Variants in REC114 observed in about 807,000 individuals in gnomAD.
REC114 encodes the protein REC114 meiotic recombination protein.
In REC114, 27 loss-of-function variants were observed where a neutral mutation model predicts 31.3. The observed-to-expected ratio is 0.86, with a 90% confidence interval of 0.64 to 1.19. REC114 has a LOEUF of 1.19. REC114 is among the 50% of genes most tolerant of loss of function. REC114 has a pLI of 0.00. For synonymous variants in REC114, 134 were observed against 127.7 expected (o/e 1.05, Z -0.33); for missense variants, 344 against 326.9 (o/e 1.05, Z -0.40).
intron 2 of REC114, among the ~76,000 whole-genome samples, chr15:73,521,533 A>G (rs576594943): frequency 1.3e-5 from 2 of 152,294 alleles, no homozygotes; most frequent in South Asian, 2.1e-4. Context: ...AACAAAAAAA[A>G]TCAAGAAAGC....
At chr15:73,457,341 C>CAT (rs909499389) in intron 1 of REC114, among the ~76,000 whole-genome samples, 30 of 152,058 alleles carry the variant, frequency 2.0e-4, no homozygotes, top group Non-Finnish European at 2.5e-4. Flanking sequence ...TTTCCTTACG[C>CAT]ATATATATAT....
At chr15:73,519,687 C>T (rs1016453171) in intron 2 of REC114, among the ~76,000 whole-genome samples, 3 of 152,196 alleles carry the variant, frequency 2.0e-5, no homozygotes, top group Admixed American at 1.3e-4. Context: ...TCATATTCAT[C>T]GCAGATTATT....
chr15:73,542,330 C>CAA (rs749245201), intron 3 of REC114, among the ~76,000 whole-genome samples: 27 of 49,878 alleles, frequency 5.4e-4, no homozygotes, highest in African/African-American at 1.5e-3. Flanking sequence ...GACTCTGTCT[C>CAA]AAAAAAAAAA....
chr15:73,509,232 A>C (rs1893728203), intron 2 of REC114, among the ~76,000 whole-genome samples: 2 of 151,004 alleles, frequency 1.3e-5, no homozygotes, highest in South Asian at 4.2e-4. Flanking sequence ...TTTTGGCTGC[A>C]TAAATGTCTT....
At chr15:73,520,012 G>GT (rs1044694652) in intron 2 of REC114, among the ~76,000 whole-genome samples, 1 of 151,994 alleles carries the variant, frequency 6.6e-6, no homozygotes, top group South Asian at 2.1e-4. Flanking sequence ...TAGAATATTA[G>GT]TTTTTTTTGC....
At chr15:73,527,341 T>C (rs1357410521) in intron 2 of REC114, among the ~76,000 whole-genome samples, 4 of 152,218 alleles carry the variant, frequency 2.6e-5, no homozygotes, top group Non-Finnish European at 4.4e-5. Context: ...ATATGCAGGT[T>C]TCTAAAGCTC....
chr15:73,541,991 T>C (rs1595881535), intron 3 of REC114, among the ~76,000 whole-genome samples: 1 of 152,102 alleles, frequency 6.6e-6, no homozygotes, highest in Middle Eastern at 3.4e-3. Flanking sequence ...AAGAGAAAAA[T>C]CAGCTATAAT....
At chr15:73,483,697 C>T (rs1893325869) in intron 2 of REC114, 1 of 152,362 alleles carries the variant, frequency 6.6e-6, no homozygotes, top group African/African-American at 2.4e-5. Context: ...TTCACTGTAT[C>T]ATTGCCCTTC....
At chr15:73,537,586 G>A (rs1275039568) in intron 2 of REC114, among the ~76,000 whole-genome samples, 8 of 152,124 alleles carry the variant, frequency 5.3e-5, no homozygotes, top group Non-Finnish European at 1.0e-4. Context: ...AAAAACATGC[G>A]ACATGAAATT....
intron 4 of REC114, 105 bp downstream of exon 4, chr15:73,551,255 T>TA: frequency 1.8e-6 from 2 of 1,126,342 alleles, no homozygotes; most frequent in South Asian, 3.0e-5. Context: ...GTTTGTAGTT[T>TA]AAAAAACATC....
intron 2 of REC114, among the ~76,000 whole-genome samples, chr15:73,529,177 G>A (rs1054386427): frequency 2.0e-5 from 3 of 148,378 alleles, no homozygotes; most frequent in African/African-American, 7.5e-5. Flanking sequence ...TCGCTCTGTC[G>A]CCCAGGCTAG....
At chr15:73,537,735 TCATA>T (rs1894176744) in intron 2 of REC114, among the ~76,000 whole-genome samples, 1 of 152,204 alleles carries the variant, frequency 6.6e-6, no homozygotes, top group African/African-American at 2.4e-5. Context: ...ACAAATTTTC[TCATA>T]CATGCATAAG....
At chr15:73,550,512 G>A (rs1443673120) in intron 3 of REC114, among the ~76,000 whole-genome samples, 1 of 152,180 alleles carries the variant, frequency 6.6e-6, no homozygotes, top group Non-Finnish European at 1.5e-5. Context: ...GTTTAACATA[G>A]TTATCTACCT....
intron 2 of REC114, among the ~76,000 whole-genome samples, chr15:73,531,796 T>C (rs1894086550): frequency 6.6e-6 from 1 of 152,282 alleles, no homozygotes; most frequent in Admixed American, 6.5e-5. Flanking sequence ...CTAGACTCCA[T>C]GCAGATTTGA....
chr15:73,473,819 T>C lies in REC114; in HGVS notation c.160-13T>C. 2 of 1,475,994 alleles carry C rather than the reference T, an allele frequency of 1.4e-6. No individual in the cohort carries two copies. The highest frequency in any genetic ancestry group is 1.9e-6 in the Non-Finnish European group (2 of 1,076,110). 91.4% of individuals were successfully genotyped at this position (1,475,994 alleles called of 1,614,324 possible). Reference sequence around the variant, plus strand: ...ATTATCTTTTACATATTTTTCTCCTTCTCCCTTTCAAGGTTTTTGATTCCA... The same window carrying C: ...ATTATCTTTTACATATTTTTCTCCTCCTCCCTTTCAAGGTTTTTGATTCCA... On this transcript the variant is annotated splice_polypyrimidine_tract_variant and intron_variant, in intron 1 of 5. Transcript: ENST00000331090.
intron 3 of REC114, among the ~76,000 whole-genome samples, chr15:73,546,311 G>A (rs575346696): frequency 6.6e-5 from 10 of 152,006 alleles, no homozygotes; most frequent in Non-Finnish European, 8.8e-5. Flanking sequence ...AGGGGAGTTA[G>A]GCATTATGTA....
chr15:73,538,954 G>A (rs1894201102), intron 2 of REC114, among the ~76,000 whole-genome samples: 1 of 151,244 alleles, frequency 6.6e-6, no homozygotes, highest in African/African-American at 2.4e-5. Context: ...TTCATACATG[G>A]GCAGGTTGAT....
At chr15:73,508,477 G>A (rs1179138668) in intron 2 of REC114, among the ~76,000 whole-genome samples, 3 of 148,310 alleles carry the variant, frequency 2.0e-5, no homozygotes, top group Admixed American at 1.4e-4. Flanking sequence ...AAGTTTTAGG[G>A]TATATGTGCA....
intron 3 of REC114, 108 bp downstream of exon 3, chr15:73,540,676 A>G: frequency 1.1e-6 from 1 of 946,836 alleles, no homozygotes; most frequent in Non-Finnish European, 1.7e-6. Context: ...AAGAATACAA[A>G]TGTTTAAGAA....
Sources: gnomAD v4.1 joint callset for allele counts (sites outside exome capture counted in the v4.1 genomes callset) on GRCh38, gnomAD v4.1.1 for gene constraint, MANE v1.5 for transcripts, NCBI Gene and HGNC (gene_info 2026-07-23, HGNC 2026-07-21) for gene names.